Variants in CDK15 observed in about 807,000 individuals in gnomAD.
CDK15 encodes the protein cyclin dependent kinase 15, also known as cyclin-dependent kinase 15.
CDK15 carries 62 observed loss-of-function variants against 60.3 expected under a neutral mutation model. The ratio of observed to expected loss-of-function variants is 1.03; its 90% confidence interval spans 0.84 to 1.27. The LOEUF (loss-of-function observed/expected upper bound fraction) is 1.27. CDK15 is among the 50% of genes most tolerant of loss of function. The pLI is 0.00. For synonymous variants in CDK15, 194 were observed against 195.7 expected, an observed-to-expected ratio of 0.99 and a Z score of 0.07; for missense variants, 541 against 527.8, an observed-to-expected ratio of 1.03 and a Z score of -0.25.
At chr2:201,852,895 C>T (rs1311714762) in intron 9 of CDK15, among the ~76,000 whole-genome samples, 2 of 152,090 alleles carry the variant, frequency 1.3e-5, no homozygotes, top group South Asian at 2.1e-4. Flanking sequence ...TTTTAGTATC[C>T]ATTTTGTTGG....
rs576222445 is a variant in CDK15 at position 201,875,346 on chromosome 2, GTACAGCTCTTCTAGCTGATAGTATGAATC to G, written c.1058+3050_1058+3078del. Among the ~76,000 whole-genome samples the G allele has an allele frequency of 9.6e-3, 1,463 of 152,264 alleles. 22 individuals are homozygous for G. Among genetic ancestry groups the G allele is most frequent in the African/African-American group, 0.033 (1,355 of 41,544 alleles). On this transcript the variant is annotated intron_variant, in intron 11 of 13. Coordinates refer to ENST00000652192, the MANE Select transcript of CDK15 (RefSeq NM_001366386.2). ...AGGCTGCTGGCAGAAATGGAAATTG[GTACAGCTCTTCTAGCTGATAGTATGAATC>G]TACAGCTCTTCTAGCTGATAGTATG...
Position 201,871,261 on chromosome 2 carries a change from G to T in CDK15, c.1010-1017G>T, listed in dbSNP as rs139355496. Among the ~76,000 whole-genome samples the T allele has an allele frequency of 4.5e-4, 68 of 152,194 alleles. No homozygotes were observed. In the East Asian group the frequency reaches 0.012, roughly 28 times the overall value. On this transcript the variant is annotated intron_variant, in intron 10 of 13. Coordinates refer to ENST00000652192, the MANE Select transcript of CDK15 (RefSeq NM_001366386.2). ...TGCAGCCTCAACCTCCTAGGCTCAG[G>T]TGATCCTCCCAGTTCACCCTTTCAA...
At chr2:201,868,816 A>C (rs1217000191) in intron 10 of CDK15, among the ~76,000 whole-genome samples, 1 of 152,234 alleles carries the variant, frequency 6.6e-6, no homozygotes, top group Non-Finnish European at 1.5e-5. Context: ...ATGCAAATCA[A>C]AACCACAATG....
intron 6 of CDK15, among the ~76,000 whole-genome samples, chr2:201,825,646 C>CT (rs1017990295): frequency 1.3e-5 from 2 of 151,300 alleles, no homozygotes; most frequent in Non-Finnish European, 3.0e-5. Flanking sequence ...CATCGCGGGA[C>CT]TTTTTTTTTA....
At chr2:201,830,610 T>G (rs1574868959) in intron 6 of CDK15, among the ~76,000 whole-genome samples, 1 of 151,990 alleles carries the variant, frequency 6.6e-6, no homozygotes, top group Non-Finnish European at 1.5e-5. Context: ...GGAGCTGAGG[T>G]TGGCTAGAGC....
intron 3 of CDK15, 139 bp from the exon 4 acceptor site, chr2:201,812,343 CT>C: frequency 1.9e-6 from 1 of 536,052 alleles, no homozygotes; most frequent in Non-Finnish European, 3.4e-6. Flanking sequence ...ACATGTTAAA[CT>C]TTTTATTTTG....
At chr2:201,889,877 T>C (rs968717658) in intron 12 of CDK15, among the ~76,000 whole-genome samples, 19 of 151,690 alleles carry the variant, frequency 1.3e-4, no homozygotes, top group African/African-American at 4.6e-4. Context: ...TGGTGAAACC[T>C]TGTCTCCATT....
At chr2:201,851,461 C>T (rs961977958) in intron 9 of CDK15, among the ~76,000 whole-genome samples, 12 of 152,180 alleles carry the variant, frequency 7.9e-5, no homozygotes, top group African/African-American at 2.9e-4. Context: ...TGTGTCCTTA[C>T]ATGGTGGAAG....
Position 201,872,160 on chromosome 2 carries a change from A to G in CDK15, c.1010-118A>G, listed in dbSNP as rs1474670819. ...TTTAAAAATCACATTAGCCTACCTGATACTTGAATCATTTTTTTAAACCAA... is the reference window on the plus strand; with the variant it reads ...TTTAAAAATCACATTAGCCTACCTGGTACTTGAATCATTTTTTTAAACCAA... On this transcript the variant is annotated intron_variant, in intron 10 of 13. Transcript: ENST00000652192. The G allele has an allele frequency of 3.8e-6, 4 of 1,046,328 alleles. No homozygotes were observed. In the African/African-American group the frequency reaches 6.3e-5, roughly 16 times the overall value. 64.8% of individuals were successfully genotyped at this position (1,046,328 alleles called of 1,614,324 possible).
chr2:201,808,266 T>C (rs546251381), intron 3 of CDK15, among the ~76,000 whole-genome samples: 12 of 152,264 alleles, frequency 7.9e-5, no homozygotes, highest in Admixed American at 2.0e-4. Context: ...TTCAGGCCTG[T>C]GGGAGGCACA....
At chr2:201,843,908 A>G (rs372159034) in intron 8 of CDK15, among the ~76,000 whole-genome samples, 89,684 of 152,072 alleles carry the variant, frequency 0.59, 27,327 homozygotes, top group Admixed American at 0.7. Context: ...GACACTAAGG[A>G]ATTGTGTAAC....
intron 12 of CDK15, among the ~76,000 whole-genome samples, chr2:201,884,329 C>T (rs1450353371): frequency 6.6e-6 from 1 of 152,160 alleles, no homozygotes; most frequent in East Asian, 1.9e-4. Flanking sequence ...ATCTAAAAAG[C>T]TTGCAATTGT....
rs1346472120 is a variant in CDK15, at chr2:201,895,286, T to C, written c.*2019T>C. On this transcript the variant is annotated 3_prime_UTR_variant, in exon 14 of 14. Transcript: ENST00000652192. ...GATTATACTTGGAATTATGCTTAGA[T>C]ACTATTGCTGCAGGAATGAATAGAC... 6.6e-6 allele frequency: 1 copy of C among 152,242 alleles called. No individual in the cohort carries two copies. Among genetic ancestry groups the C allele is most frequent in the East Asian group, 1.9e-4 (1 of 5,198 alleles). 9.4% of individuals were successfully genotyped at this position (152,242 alleles called of 1,614,324 possible). A position where few individuals can be genotyped will look rare whatever the true frequency, so the allele number is the denominator to read the frequency against.
intron 3 of CDK15, among the ~76,000 whole-genome samples, chr2:201,809,001 T>A (rs1365327325): frequency 6.6e-6 from 1 of 152,168 alleles, no homozygotes; most frequent in Non-Finnish European, 1.5e-5. Context: ...CTCAGATGAC[T>A]GCAACCTCTG....
chr2:201,834,113 AG>A, intron 7 of CDK15, 142 bp downstream of exon 7: 1 of 1,029,584 alleles, frequency 9.7e-7, no homozygotes, highest in Non-Finnish European at 1.3e-6. Context: ...ACTACCACAA[AG>A]GAAGTGTGAG....
intron 8 of CDK15, 145 bp from the exon 9 acceptor site, chr2:201,847,234 CTT>C: frequency 1.0e-5 from 7 of 686,082 alleles, no homozygotes; most frequent in South Asian, 2.4e-5. Context: ...GACATAGGGA[CTT>C]TTTTTTTGGC....
Position 201,861,409 on chromosome 2 carries a change from T to G in CDK15, c.1009+6472T>G, listed in dbSNP as rs182840602. On this transcript the variant is annotated intron_variant, in intron 10 of 13. Transcript: ENST00000652192. ...AATCTGCATCCAAACCTTGTTCTCC[T>G]TTCATTAATCATGTTGTATCCCTCT... 7.6e-3 allele frequency: 7,507 copies of G among 985,560 alleles called. 31 individuals are homozygous for G. The highest frequency in any genetic ancestry group is 9.9e-3 in the Middle Eastern group (19 of 1,914). 61.1% of individuals were successfully genotyped at this position (985,560 alleles called of 1,614,324 possible).
intron 10 of CDK15, among the ~76,000 whole-genome samples, chr2:201,856,739 G>A (rs1698158608): frequency 6.6e-6 from 1 of 152,154 alleles, no homozygotes; most frequent in African/African-American, 2.4e-5. Context: ...TGGATTGTAG[G>A]AAACAATTTG....
chr2:201,872,410 C>G (rs889051087), intron 11 of CDK15, 84 bp downstream of exon 11: 3 of 1,435,204 alleles, frequency 2.1e-6, no homozygotes, highest in Non-Finnish European at 2.9e-6. Context: ...GTCCACTGAA[C>G]AGCAGCCCCC....
Sources: gnomAD v4.1 joint callset for allele counts (sites outside exome capture counted in the v4.1 genomes callset) on GRCh38, gnomAD v4.1.1 for gene constraint, MANE v1.5 for transcripts, NCBI Gene and HGNC (gene_info 2026-07-23, HGNC 2026-07-21) for gene names.